DIS3L2: variants seen among roughly 807,000 people sequenced by gnomAD.
DIS3L2 encodes the protein DIS3-like exonuclease 2.
In DIS3L2, 34 loss-of-function variants were observed where a neutral mutation model predicts 97.5. The ratio of observed to expected loss-of-function variants is 0.35; its 90% confidence interval spans 0.27 to 0.46. The LOEUF (loss-of-function observed/expected upper bound fraction) is 0.46. Ranked by LOEUF, DIS3L2 falls within the 20% of genes least tolerant of loss-of-function variation. The pLI, the probability that DIS3L2 is intolerant of heterozygous loss-of-function variation, is 1.00. For synonymous variants in DIS3L2, 435 were observed against 445.2 expected (o/e 0.98, Z 0.29); for missense variants, 1,038 against 1,146.0 (o/e 0.91, Z 1.36).
At chr2:232,258,523 G>A (rs1034719534) in intron 12 of DIS3L2, among the ~76,000 whole-genome samples, 10 of 148,846 alleles carry the variant, frequency 6.7e-5, no homozygotes, top group African/African-American at 2.2e-4. Context: ...GGCGGAGGTT[G>A]CAGTGAGCCC....
intron 11 of DIS3L2, among the ~76,000 whole-genome samples, chr2:232,247,911 T>A (rs1693307069): frequency 6.6e-6 from 1 of 152,014 alleles, no homozygotes; most frequent in African/African-American, 2.4e-5. Context: ...AAGAAAAAAA[T>A]TTCAAAGGTA....
At chr2:232,012,726 C>G (rs1694241704) in intron 1 of DIS3L2, among the ~76,000 whole-genome samples, 1 of 152,050 alleles carries the variant, frequency 6.6e-6, no homozygotes. Flanking sequence ...AAAAGTTGCC[C>G]TAACCCAGAT....
intron 14 of DIS3L2, among the ~76,000 whole-genome samples, chr2:232,313,804 C>A (rs1465079259): frequency 6.6e-6 from 1 of 152,216 alleles, no homozygotes; most frequent in Non-Finnish European, 1.5e-5. Context: ...TCCTCACAAT[C>A]ATGGCAGAAG....
At chr2:231,962,739 G>C (rs1385865202) in intron 1 of DIS3L2, among the ~76,000 whole-genome samples, 1 of 152,072 alleles carries the variant, frequency 6.6e-6, no homozygotes, top group Non-Finnish European at 1.5e-5. Context: ...CCGGCCGACT[G>C]TTCCCATGTT....
At chr2:232,051,656 C>CA in intron 5 of DIS3L2, among the ~76,000 whole-genome samples, 1 of 150,366 alleles carries the variant, frequency 6.7e-6, no homozygotes, top group Non-Finnish European at 1.5e-5. Flanking sequence ...ACTAAAAATA[C>CA]AAAAAATTAG....
intron 3 of DIS3L2, among the ~76,000 whole-genome samples, chr2:232,023,656 C>T (rs1694578540): frequency 6.6e-6 from 1 of 152,160 alleles, no homozygotes; most frequent in Non-Finnish European, 1.5e-5. Context: ...GCTGGAATAA[C>T]ATGAAGTTGA....
At chr2:232,321,337 G>A (rs185317921) in intron 14 of DIS3L2, among the ~76,000 whole-genome samples, 27 of 152,148 alleles carry the variant, frequency 1.8e-4, no homozygotes, top group Admixed American at 7.9e-4. Flanking sequence ...AAAACATGGG[G>A]GATGCCTGGA....
chr2:231,981,349 A>G (rs1693250283), intron 1 of DIS3L2, among the ~76,000 whole-genome samples: 1 of 151,578 alleles, frequency 6.6e-6, no homozygotes, highest in South Asian at 2.1e-4. Flanking sequence ...TTCTCCTTGC[A>G]TTTTCAAATT....
chr2:231,976,618 G>A (rs1234194061), intron 1 of DIS3L2, among the ~76,000 whole-genome samples: 7 of 146,868 alleles, frequency 4.8e-5, no homozygotes, highest in African/African-American at 1.8e-4. Flanking sequence ...AACAAAGCGA[G>A]ACCCTCTCTC....
At chr2:232,072,504 G>T (rs1696050217) in intron 5 of DIS3L2, among the ~76,000 whole-genome samples, 1 of 152,156 alleles carries the variant, frequency 6.6e-6, no homozygotes, top group Non-Finnish European at 1.5e-5. Flanking sequence ...GGGTGGGGGT[G>T]CAGTCAGGTA....
At chr2:232,237,176 T>C (rs547391539) in intron 10 of DIS3L2, among the ~76,000 whole-genome samples, 1 of 152,362 alleles carries the variant, frequency 6.6e-6, no homozygotes, top group African/African-American at 2.4e-5. Context: ...TATTTTTATT[T>C]TCACATACAC....
At chr2:232,109,289 T>A (rs1177825066) in intron 6 of DIS3L2, among the ~76,000 whole-genome samples, 2 of 151,760 alleles carry the variant, frequency 1.3e-5, no homozygotes. Context: ...GTATTAAAAA[T>A]ACAAAAATTA....
In DIS3L2 at chr2:232,026,311, C is replaced by A. The variant is rs145502076; in HGVS notation, c.264+1981C>A. On this transcript the variant is annotated intron_variant, in intron 4 of 20. Coordinates refer to ENST00000325385, the MANE Select transcript of DIS3L2 (RefSeq NM_152383.5). ...TCCTTGCCAAATACACCTTCATATACCTGAGTTCAAATGTAGAATTCTCAG... is the reference window on the plus strand; with the variant it reads ...TCCTTGCCAAATACACCTTCATATAACTGAGTTCAAATGTAGAATTCTCAG... Among the ~76,000 whole-genome samples, 48 of 152,156 alleles carry A rather than the reference C, an allele frequency of 3.2e-4. No individual in the cohort carries two copies. In the East Asian group the frequency reaches 7.8e-3, roughly 25 times the overall value.
intron 5 of DIS3L2, among the ~76,000 whole-genome samples, chr2:232,057,916 T>A (rs1326868701): frequency 1.3e-5 from 2 of 152,270 alleles, no homozygotes; most frequent in Non-Finnish European, 2.9e-5. Context: ...ATGATTTGTG[T>A]ATTTTTCTAT....
intron 10 of DIS3L2, among the ~76,000 whole-genome samples, chr2:232,228,872 A>G (rs1027370626): frequency 1.3e-5 from 2 of 152,224 alleles, no homozygotes; most frequent in Non-Finnish European, 2.9e-5. Flanking sequence ...TACCTTCTTC[A>G]TATATTTTTC....
intron 1 of DIS3L2, among the ~76,000 whole-genome samples, chr2:231,997,604 G>C (rs1054076983): frequency 6.6e-6 from 1 of 152,144 alleles, no homozygotes; most frequent in East Asian, 1.9e-4. Context: ...TTTAGCATGA[G>C]AAAAAATGTA....
At chr2:232,240,013 A>T (rs1054281248) in intron 11 of DIS3L2, among the ~76,000 whole-genome samples, 5 of 152,164 alleles carry the variant, frequency 3.3e-5, no homozygotes, top group Non-Finnish European at 7.4e-5. Context: ...GTTGACAGTG[A>T]TGTCTTCCAC....
intron 9 of DIS3L2, among the ~76,000 whole-genome samples, chr2:232,182,015 C>G (rs1024272527): frequency 1.3e-5 from 2 of 152,046 alleles, no homozygotes; most frequent in Non-Finnish European, 2.9e-5. Flanking sequence ...AGGGTGGTCT[C>G]GAGCTCCTGG....
chr2:232,116,303 TC>T (rs1450177362), intron 6 of DIS3L2, among the ~76,000 whole-genome samples: 1 of 152,238 alleles, frequency 6.6e-6, no homozygotes, highest in Non-Finnish European at 1.5e-5. Flanking sequence ...AAGTAGCTCT[TC>T]CCTTTTCATC....
Sources: gnomAD v4.1 joint callset for allele counts (sites outside exome capture counted in the v4.1 genomes callset) on GRCh38, gnomAD v4.1.1 for gene constraint, MANE v1.5 for transcripts, NCBI Gene and HGNC (gene_info 2026-07-23, HGNC 2026-07-21) for gene names.